The following USP39 variants were observed in gnomAD, a reference collection of about 807,000 sequenced individuals.
The protein encoded by USP39 is ubiquitin specific peptidase 39.
A neutral mutation model predicts 66.4 loss-of-function variants in USP39; 38 were observed. The observed-to-expected ratio is 0.57, with a 90% confidence interval of 0.44 to 0.75. The LOEUF (loss-of-function observed/expected upper bound fraction) is 0.75, where lower values mean the gene tolerates loss of function less well. USP39 is among the 30% of genes least tolerant of loss of function. The pLI, the probability that USP39 is intolerant of heterozygous loss-of-function variation, is 0.00. For missense variants in USP39, 608 were observed against 714.4 expected, an observed-to-expected ratio of 0.85 and a Z score of 1.70; for synonymous variants, 303 against 274.6, an observed-to-expected ratio of 1.10 and a Z score of -1.02.
chr2:85,646,383 A>G (rs181041264), intron 11 of USP39, among the ~76,000 whole-genome samples: 7 of 152,356 alleles, frequency 4.6e-5, no homozygotes, highest in Non-Finnish European at 8.8e-5. Flanking sequence ...CAGTTACTTA[A>G]TGTACATTAA....
chr2:85,633,831 C>CTTTTT (rs35970499), intron 6 of USP39, among the ~76,000 whole-genome samples: 9 of 78,994 alleles, frequency 1.1e-4, no homozygotes, highest in Non-Finnish European at 1.4e-4. Flanking sequence ...CGAGTAGTGG[C>CTTTTT]TTTTTTTTTT....
upstream of USP39, chr2:85,612,140 A>C: frequency 1.1e-6 from 1 of 877,472 alleles, no homozygotes; most frequent in South Asian, 1.8e-5. Context: ...CAGCGCACGG[A>C]GTTTTCGGGT....
At chr2:85,605,491 A>C (rs191456833) in intron 1 of USP39, among the ~76,000 whole-genome samples, 18 of 152,140 alleles carry the variant, frequency 1.2e-4, no homozygotes, top group Admixed American at 1.0e-3. Flanking sequence ...CATTACTCCA[A>C]CTCCTAGGGA....
At chr2:85,628,990 G>A (rs1675097133) in intron 5 of USP39, among the ~76,000 whole-genome samples, 1 of 152,174 alleles carries the variant, frequency 6.6e-6, no homozygotes, top group Admixed American at 6.5e-5. Context: ...TAAGCACAGT[G>A]CTGGTCGGGA....
upstream of USP39, chr2:85,609,333 G>A (rs1022333744): frequency 2.3e-5 from 34 of 1,483,348 alleles, no homozygotes; most frequent in East Asian, 2.3e-5. Flanking sequence ...TGGAGCAGAC[G>A]CTTCCCATTG....
At chr2:85,639,125 G>A (rs535101205) in intron 8 of USP39, 78 bp from the exon 9 acceptor site, 91 of 1,376,002 alleles carry the variant, frequency 6.6e-5, no homozygotes, top group East Asian at 9.8e-5. Context: ...AAATGTCGGC[G>A]TGGTAAAACA....
upstream of USP39, chr2:85,612,472 C>A: frequency 1.7e-6 from 2 of 1,174,232 alleles, no homozygotes; most frequent in Non-Finnish European, 1.2e-6. Context: ...GCACCTACCT[C>A]AAATGGATTG....
intron 1 of USP39, 73 bp downstream of exon 1, chr2:85,616,536 C>T (rs1203138144): frequency 5.4e-5 from 72 of 1,341,474 alleles, no homozygotes; most frequent in Non-Finnish European, 6.8e-5. Flanking sequence ...CTCTAATCTT[C>T]CGCTAGGTCA....
intron 11 of USP39, chr2:85,645,707 A>T (rs1676593517): frequency 6.6e-6 from 1 of 152,294 alleles, no homozygotes; most frequent in Admixed American, 6.5e-5. Flanking sequence ...CGTGTTACAA[A>T]GAATTATCTG....
intron 3 of USP39, among the ~76,000 whole-genome samples, 153 bp downstream of exon 3, chr2:85,621,732 TCTGA>T (rs1334543087): frequency 2.0e-5 from 3 of 152,256 alleles, no homozygotes; most frequent in South Asian, 4.2e-4. Flanking sequence ...TAAGAGGTTC[TCTGA>T]CTGGTCAGAA....
chr2:85,632,301 G>T (rs899885606), intron 6 of USP39, among the ~76,000 whole-genome samples: 2 of 152,104 alleles, frequency 1.3e-5, no homozygotes, highest in African/African-American at 4.8e-5. Flanking sequence ...GAAGCCTGTG[G>T]TCTGAGCTAC....
chr2:85,640,046 G>A (rs1676106562), intron 9 of USP39, among the ~76,000 whole-genome samples: 2 of 147,470 alleles, frequency 1.4e-5, no homozygotes, highest in African/African-American at 5.4e-5. Flanking sequence ...ATCCAACTAA[G>A]TATTTTTGTA....
intron 1 of USP39, among the ~76,000 whole-genome samples, chr2:85,617,189 A>G (rs1573390688): frequency 7.5e-6 from 1 of 133,250 alleles, no homozygotes; most frequent in East Asian, 2.2e-4. Context: ...CCTGGACTCA[A>G]GTGTTCCACT....
At chr2:85,642,829 C>T (rs995267002) in intron 10 of USP39, among the ~76,000 whole-genome samples, 4 of 152,110 alleles carry the variant, frequency 2.6e-5, no homozygotes, top group Non-Finnish European at 2.9e-5. Context: ...GGTGATTAGG[C>T]ACCCTCTGCT....
chr2:85,611,820 G>GGGCCGGGCCA (rs1558840781), upstream of USP39: 14 of 1,607,874 alleles, frequency 8.7e-6, no homozygotes, highest in Non-Finnish European at 1.0e-5. Context: ...AGGGACTGTC[G>GGGCCGGGCCA]GGCCGGGCCA....
upstream of USP39, among the ~76,000 whole-genome samples, chr2:85,609,264 CTG>C (rs1209219743): frequency 6.6e-6 from 1 of 152,234 alleles, no homozygotes; most frequent in African/African-American, 2.4e-5. Context: ...CTGAGAATCA[CTG>C]TGAGATGGGA....
intron 4 of USP39, 120 bp from the exon 5 acceptor site, chr2:85,625,419 T>G (rs919613207): frequency 1.5e-6 from 2 of 1,333,376 alleles, no homozygotes; most frequent in Non-Finnish European, 2.1e-6. Context: ...TCGGACTATT[T>G]TTCTGTGTGT....
At position 85,641,035 on chromosome 2, in the gene USP39, A is replaced by G; in HGVS notation, c.1344A>G (p.Pro448=). The stretch of plus-strand genomic sequence containing the variant: ...GCTTCCAGCTTACCAAGTTGCCTCC[A>G]TATCTAATCTTTTGTATCAAGAGAT... The part of the protein sequence containing the change: ...LKRFQLTKLP[P]YLIFCIKRFT... Residue 448 remains proline (P), a synonymous_variant, in exon 10 of 13, where the codon CCA becomes CCG. Transcript: ENST00000323701. 1.2e-6 allele frequency: 2 copies of G among 1,613,946 alleles called. No homozygotes were observed. The highest frequency in any genetic ancestry group is 1.7e-6 in the Non-Finnish European group (2 of 1,179,934).
At chr2:85,644,715 C>T (rs537884543) in intron 10 of USP39, among the ~76,000 whole-genome samples, 20 of 151,910 alleles carry the variant, frequency 1.3e-4, no homozygotes, top group Admixed American at 1.3e-3. Flanking sequence ...GAGCCACTGC[C>T]TGTCATTCTT....
Sources: gnomAD v4.1 joint callset for allele counts (sites outside exome capture counted in the v4.1 genomes callset) on GRCh38, gnomAD v4.1.1 for gene constraint, MANE v1.5 for transcripts, NCBI Gene and HGNC (gene_info 2026-07-23, HGNC 2026-07-21) for gene names.